The following YWHAE variants were observed in gnomAD, a reference collection of about 807,000 sequenced individuals.
YWHAE encodes the protein tyrosine 3-monooxygenase/tryptophan 5-monooxygenase activation protein epsilon, also known as 14-3-3 protein epsilon.
In YWHAE, 4 loss-of-function variants were observed where a neutral mutation model predicts 30.1. The observed-to-expected ratio is 0.13, with a 90% CI of 0.07 to 0.30. The LOEUF (loss-of-function observed/expected upper bound fraction) is 0.30. Ranked by LOEUF, YWHAE falls within the 10% of genes least tolerant of loss-of-function variation. The probability of loss-of-function intolerance (pLI) is 1.00; values close to 1 mark genes in which losing one functional copy is unlikely to be tolerated. For missense variants in YWHAE, 121 were observed against 315.9 expected (o/e 0.38, Z 4.68); for synonymous variants, 118 against 111.8 (o/e 1.06, Z -0.35).
At position 1,368,258 on chromosome 17, in the gene YWHAE, A is replaced by G. The variant is rs183124303; in HGVS notation, c.65-3200T>C. Among the ~76,000 whole-genome samples the G allele has an allele frequency of 1.2e-3, 182 of 152,188 alleles. 1 individual carries two copies. The highest frequency in any genetic ancestry group is 4.1e-3 in the African/African-American group (172 of 41,508). Reference sequence around the variant, plus strand: ...CCAGACGTGGTGGCACATGCCTGTAATCCCAGCTACTCGAGGCTGAGGCGA... The same window carrying G: ...CCAGACGTGGTGGCACATGCCTGTAGTCCCAGCTACTCGAGGCTGAGGCGA... On this transcript the variant is annotated intron_variant, in intron 1 of 5. Coordinates refer to ENST00000264335, the MANE Select transcript of YWHAE (RefSeq NM_006761.5).
At chr17:1,360,678 A>C (rs909432596) in intron 4 of YWHAE, among the ~76,000 whole-genome samples, 1 of 152,160 alleles carries the variant, frequency 6.6e-6, no homozygotes, top group Admixed American at 6.6e-5. Flanking sequence ...AGACAGGAGA[A>C]TCACTTGAAC....
chr17:1,355,115 TTAAAAAAAAAAA>T lies in YWHAE; in HGVS notation c.579-780_579-769del, dbSNP rs2072713633. Among the ~76,000 whole-genome samples, 57 of 72,374 alleles carry T rather than the reference TTAAAAAAAAAAA, an allele frequency of 7.9e-4. 1 individual carries two copies. The highest frequency in any genetic ancestry group is 1.7e-3 in the East Asian group (4 of 2,330). 47.5% of individuals were successfully genotyped at this position (72,374 alleles called of 152,430 possible). The stretch of plus-strand genomic sequence containing the variant: ...TACACACTACCACCCCCAAGATTTT[TTAAAAAAAAAAA>T]AAAAAAAAAAAAAAAAAAAAATTTT... On this transcript the variant is annotated intron_variant, in intron 4 of 5. Coordinates refer to ENST00000264335, the MANE Select transcript of YWHAE (RefSeq NM_006761.5).
At chr17:1,375,478 G>T (rs1324397527) in intron 1 of YWHAE, among the ~76,000 whole-genome samples, 1 of 152,060 alleles carries the variant, frequency 6.6e-6, no homozygotes, top group African/African-American at 2.4e-5. Flanking sequence ...GCAGCAGGTG[G>T]GATCGCAATT....
intron 1 of YWHAE, among the ~76,000 whole-genome samples, chr17:1,394,146 C>T (rs2073428996): frequency 6.6e-6 from 1 of 152,152 alleles, no homozygotes; most frequent in Admixed American, 6.6e-5. Flanking sequence ...TCTGGCTTTA[C>T]CATTTAATAA....
chr17:1,358,303 G>T (rs1046667968), intron 4 of YWHAE, among the ~76,000 whole-genome samples: 4 of 152,188 alleles, frequency 2.6e-5, no homozygotes, highest in African/African-American at 7.2e-5. Flanking sequence ...GCAGTGGCGT[G>T]ATCTTGGCTC....
In YWHAE at chr17:1,345,457, T is replaced by C; in HGVS notation, c.758A>G (p.Glu253Gly). ...TTGTTGGCTTATGTCTCACTGATTT[T>C]CGTCTTCCACGTCCTGCAGCGCTTC... ...NKEALQDVED[E>G]NQ is the part of the protein sequence containing the mutation. The change falls in exon 6 of 6, where the codon GAA becomes GGA. Residue 253 changes from glutamate (E) to glycine (G), a missense_variant. Transcript: ENST00000264335. 1 of 1,613,882 alleles carries C rather than the reference T, an allele frequency of 6.2e-7. No homozygotes were observed. Among genetic ancestry groups the C allele is most frequent in the South Asian group, 1.1e-5 (1 of 91,074 alleles).
intron 1 of YWHAE, among the ~76,000 whole-genome samples, chr17:1,381,602 TA>T (rs1313968140): frequency 1.3e-5 from 2 of 151,520 alleles, no homozygotes; most frequent in African/African-American, 4.8e-5. Flanking sequence ...AACTATCAAC[TA>T]ATCAAAACGT....
At chr17:1,393,736 G>C (rs1218838463) in intron 1 of YWHAE, among the ~76,000 whole-genome samples, 1 of 152,102 alleles carries the variant, frequency 6.6e-6, no homozygotes, top group Non-Finnish European at 1.5e-5. Context: ...CCCGGCTGGG[G>C]CTTTTCTTTT....
chr17:1,391,120 C>T (rs1188813218), intron 1 of YWHAE, among the ~76,000 whole-genome samples: 1 of 152,168 alleles, frequency 6.6e-6, no homozygotes, highest in African/African-American at 2.4e-5. Context: ...CATAAGAAAA[C>T]CAACACACTA....
At chr17:1,355,426 T>TC (rs978364880) in intron 4 of YWHAE, among the ~76,000 whole-genome samples, 2 of 151,838 alleles carry the variant, frequency 1.3e-5, no homozygotes, top group African/African-American at 4.8e-5. Context: ...CCCAAAGTGC[T>TC]GGATTACAAG....
intron 1 of YWHAE, among the ~76,000 whole-genome samples, chr17:1,370,307 A>G (rs149685686): frequency 0.025 from 3,729 of 150,786 alleles, 71 homozygotes; most frequent in Non-Finnish European, 0.038. Flanking sequence ...TTTTGTGTGT[A>G]TTTTTAGTAG....
At chr17:1,355,115 TTAAAAAAAAAAAAAAAAAAA>T (rs370813289) in intron 4 of YWHAE, among the ~76,000 whole-genome samples, 8,486 of 72,496 alleles carry the variant, frequency 0.12, 646 homozygotes, top group Admixed American at 0.29. Flanking sequence ...CCAAGATTTT[TTAAAAAAAAAAAAAAAAAAA>T]AAAAAAAAAA....
chr17:1,374,046 G>A (rs35069046), intron 1 of YWHAE, among the ~76,000 whole-genome samples: 3,465 of 152,202 alleles, frequency 0.023, 49 homozygotes, highest in Middle Eastern at 0.041. Flanking sequence ...GGCCAGGTGC[G>A]GTGGCTCACG....
chr17:1,351,088 C>T (rs994780512), intron 5 of YWHAE, among the ~76,000 whole-genome samples: 4 of 151,538 alleles, frequency 2.6e-5, no homozygotes, highest in East Asian at 2.0e-4. Context: ...CAGCCAGGCG[C>T]GGTGGCTCAC....
At chr17:1,356,321 A>C (rs953035237) in intron 4 of YWHAE, among the ~76,000 whole-genome samples, 1 of 152,174 alleles carries the variant, frequency 6.6e-6, no homozygotes, top group African/African-American at 2.4e-5. Flanking sequence ...GTGAGGTGAA[A>C]CTGTGCCAAT....
At position 1,359,811 on chromosome 17, in the gene YWHAE, G is replaced by GTT. The variant is rs879783534; in HGVS notation, c.578+1279_578+1280dup. 1.9e-4 allele frequency among the ~76,000 whole-genome samples: 18 copies of GTT among 96,412 alleles called. 1 individual carries two copies. Among genetic ancestry groups the GTT allele is most frequent in the East Asian group, 3.2e-4 (1 of 3,108 alleles). The allele number at this position is 96,412 out of a possible 152,430, so 63.3% of individuals were successfully genotyped here. On this transcript the variant is annotated intron_variant, in intron 4 of 5. Transcript: ENST00000264335. The stretch of plus-strand genomic sequence containing the variant: ...TCAATGTATTCGGTGCCACTAAATT[G>GTT]TTGTGTGTGTGTGTGTGTGTGTGTG...
intron 1 of YWHAE, among the ~76,000 whole-genome samples, chr17:1,371,452 A>C (rs1040355921): frequency 2.0e-5 from 3 of 152,032 alleles, no homozygotes; most frequent in Non-Finnish European, 2.9e-5. Context: ...ACCAAGCTTC[A>C]ACAGTGGGCT....
chr17:1,398,688 T>G (rs568421643), intron 1 of YWHAE: 4 of 152,268 alleles, frequency 2.6e-5, no homozygotes, highest in Non-Finnish European at 4.4e-5. Flanking sequence ...AATACTACAG[T>G]ATCGCACAAT....
intron 1 of YWHAE, among the ~76,000 whole-genome samples, chr17:1,377,003 T>C (rs73287225): frequency 0.017 from 2,514 of 151,298 alleles, 67 homozygotes; most frequent in African/African-American, 0.057. Context: ...AACCTCCATC[T>C]CCCATGTTCA....
Sources: gnomAD v4.1 joint callset for allele counts (sites outside exome capture counted in the v4.1 genomes callset) on GRCh38, gnomAD v4.1.1 for gene constraint, MANE v1.5 for transcripts, NCBI Gene and HGNC (gene_info 2026-07-23, HGNC 2026-07-21) for gene names.